Variants in SNX31 observed in about 807,000 individuals in gnomAD.
SNX31 encodes the protein sorting nexin-31.
A neutral mutation model predicts 65.4 loss-of-function variants in SNX31; 58 were observed. That is an observed-to-expected ratio of 0.89 (90% CI 0.72 to 1.10). SNX31 has a LOEUF of 1.10. SNX31 is among the 50% of genes least tolerant of loss of function. The pLI is 0.00. For synonymous variants in SNX31, 181 were observed against 190.1 expected (o/e 0.95, Z 0.39); for missense variants, 523 against 529.7 (o/e 0.99, Z 0.12).
chr8:100,617,337 C>T (rs1371400452), intron 5 of SNX31, among the ~76,000 whole-genome samples: 6 of 152,196 alleles, frequency 3.9e-5, no homozygotes, highest in African/African-American at 1.4e-4. Context: ...TTCCAGGCCA[C>T]ATCCCTGGCT....
At chr8:100,631,098 C>T (rs116433718) in intron 3 of SNX31, among the ~76,000 whole-genome samples, 2,661 of 152,060 alleles carry the variant, frequency 0.017, 78 homozygotes, top group African/African-American at 0.058. Flanking sequence ...GAGAGCACCC[C>T]TTTGAATGAT....
chr8:100,583,859 A>G (rs914712428), intron 12 of SNX31, among the ~76,000 whole-genome samples: 11 of 152,224 alleles, frequency 7.2e-5, no homozygotes, highest in African/African-American at 2.4e-5. Context: ...GTCGAGGGTT[A>G]GAATTCTCAG....
intron 2 of SNX31, 106 bp downstream of exon 2, chr8:100,649,168 T>A (rs186998685): frequency 9.0e-7 from 1 of 1,117,120 alleles, no homozygotes; most frequent in African/African-American, 1.5e-5. Context: ...CCCGAGGCCG[T>A]GAAAGGCCCA....
chr8:100,596,718 C>T lies in SNX31; in HGVS notation c.899G>A (p.Cys300Tyr). 1 of 1,614,134 alleles carries T rather than the reference C, an allele frequency of 6.2e-7. No individual in the cohort carries two copies. The highest frequency in any genetic ancestry group is 8.5e-7 in the Non-Finnish European group (1 of 1,180,034). ...LSVGNNEISC[C>Y]ITLPDSQTQD... is the part of the protein sequence containing the mutation. ...GGTCTGGCTGTCAGGCAGGGTGATG[C>T]AGCAGCTGATCTCATTATTGCCAAC... The change falls in exon 10 of 14, where the codon TGC becomes TAC. Residue 300 changes from cysteine to tyrosine, a missense_variant. Physicochemically the swap from Cys to Tyr is radical, Grantham distance 194 (BLOSUM62 -2). Coordinates refer to ENST00000311812, the MANE Select transcript of SNX31 (RefSeq NM_152628.4).
At chr8:100,615,060 G>C (rs1483658296) in intron 5 of SNX31, among the ~76,000 whole-genome samples, 1 of 152,162 alleles carries the variant, frequency 6.6e-6, no homozygotes, top group Admixed American at 6.5e-5. Context: ...GCTCCTGGAA[G>C]GAAATTCACA....
chr8:100,616,791 GCT>G (rs1380385126), intron 5 of SNX31, among the ~76,000 whole-genome samples: 3 of 152,168 alleles, frequency 2.0e-5, no homozygotes, highest in African/African-American at 7.2e-5. Context: ...AAATGGGAGT[GCT>G]TCCGTTTCTC....
chr8:100,652,664 C>G (rs773138979), upstream of SNX31, among the ~76,000 whole-genome samples: 1 of 152,140 alleles, frequency 6.6e-6, no homozygotes, highest in African/African-American at 2.4e-5. Context: ...ATCTTTTTGG[C>G]TCTTTGATAT....
intron 12 of SNX31, among the ~76,000 whole-genome samples, chr8:100,581,845 G>T (rs1020101318): frequency 1.3e-5 from 2 of 152,066 alleles, no homozygotes; most frequent in African/African-American, 4.8e-5. Flanking sequence ...ACTTGTGAGG[G>T]GGCCCAGCAC....
chr8:100,600,882 A>G (rs1333159047), intron 8 of SNX31, among the ~76,000 whole-genome samples: 1 of 152,176 alleles, frequency 6.6e-6, no homozygotes, highest in Non-Finnish European at 1.5e-5. Context: ...ACAACAACAA[A>G]ACTAAGAATC....
At chr8:100,595,114 A>T (rs1265555615) in intron 10 of SNX31, among the ~76,000 whole-genome samples, 1 of 152,222 alleles carries the variant, frequency 6.6e-6, no homozygotes, top group Non-Finnish European at 1.5e-5. Context: ...ATACATGTGA[A>T]ACATTTACCA....
chr8:100,612,153 T>C lies in SNX31; in HGVS notation c.524-66A>G. ...ACAGACAGCTTATATATAGCAGCTT[T>C]CAAATGAGAAAATAAAACCTTATTA... On this transcript the variant is annotated intron_variant, in intron 6 of 13. Coordinates refer to ENST00000311812, the MANE Select transcript of SNX31 (RefSeq NM_152628.4). The surrounding 1 kb of genome is among the most constrained non-coding windows in gnomAD (Gnocchi z 4.3). 1 of 958,834 alleles carries C rather than the reference T, an allele frequency of 1.0e-6. No homozygotes were observed. Among genetic ancestry groups the C allele is most frequent in the South Asian group, 1.4e-5 (1 of 69,510 alleles). 59.4% of individuals were successfully genotyped at this position (958,834 alleles called of 1,614,324 possible).
At position 100,626,634 on chromosome 8, in the gene SNX31, A is replaced by G. The variant is rs560225509; in HGVS notation, c.321+3693T>C. ...TGTGTCAGCAAACAGCTAGCTCACA[A>G]CAGCAGCCTGTTTCAAAGTTGATTG... is the stretch of plus-strand genomic sequence containing the variant. On this transcript the variant is annotated intron_variant, in intron 4 of 13. Transcript: ENST00000311812. The surrounding 1 kb of genome is among the most constrained non-coding windows in gnomAD (Gnocchi z 4.4). Among the ~76,000 whole-genome samples the G allele has an allele frequency of 7.2e-5, 11 of 152,344 alleles. No individual in the cohort carries two copies. The South Asian group carries it at 2.3e-3, about 32-fold the overall frequency.
chr8:100,655,056 G>C (rs1189940107), intron 1 of SNX31, among the ~76,000 whole-genome samples: 1 of 152,068 alleles, frequency 6.6e-6, no homozygotes, highest in Non-Finnish European at 1.5e-5. Context: ...GGTGGGGCCA[G>C]TTACAACAAC....
At position 100,613,234 on chromosome 8, in the gene SNX31, C is replaced by A. The variant is rs1816870939; in HGVS notation, c.433-149G>T. On this transcript the variant is annotated intron_variant, in intron 5 of 13. Transcript: ENST00000311812. The surrounding 1 kb of genome is among the most constrained non-coding windows in gnomAD (Gnocchi z 5.2). The stretch of plus-strand genomic sequence containing the variant: ...ACACTCAAAGAAAGCTTTTTGGAAT[C>A]AAAAAATGGTATCCATCTTAGAAAA... 1.6e-6 allele frequency: 1 copy of A among 609,332 alleles called. No homozygotes were observed. The highest frequency in any genetic ancestry group is 2.9e-6 in the Non-Finnish European group (1 of 345,400). 37.7% of individuals were successfully genotyped at this position (609,332 alleles called of 1,614,324 possible).
In SNX31 at chr8:100,610,105, G is replaced by T. The variant is rs1816570433; in HGVS notation, c.612-1542C>A. ...CTCCAGAGACCTGATCCTCAGCTCT[G>T]ACAATAGAAGTGGAACCTCCTTTCT... On this transcript the variant is annotated intron_variant, in intron 7 of 13. Coordinates refer to ENST00000311812, the MANE Select transcript of SNX31 (RefSeq NM_152628.4). This position sits in a 1 kb window ranked among gnomAD's most constrained non-coding sequence, Gnocchi z 4.0. Among the ~76,000 whole-genome samples the T allele has an allele frequency of 6.6e-6, 1 of 152,202 alleles. No homozygotes were observed. The highest frequency in any genetic ancestry group is 2.1e-4 in the South Asian group (1 of 4,832).
At chr8:100,624,840 T>C (rs933587425) in intron 4 of SNX31, among the ~76,000 whole-genome samples, 4 of 152,114 alleles carry the variant, frequency 2.6e-5, no homozygotes, top group Admixed American at 6.5e-5. Context: ...CTTGCTCTGT[T>C]TCCCAGGCTG....
rs763523960 is a variant in SNX31, at chr8:100,622,889, A to C, written c.322-5159T>G. On this transcript the variant is annotated intron_variant, in intron 4 of 13. Coordinates refer to ENST00000311812, the MANE Select transcript of SNX31 (RefSeq NM_152628.4). This position sits in a 1 kb window ranked among gnomAD's most constrained non-coding sequence, Gnocchi z 5.0. ...AACCTCCTCTCAGTAAAGAACCTGCACATCAAGGGAGGTAAGAGGTTAAAG... is the reference window on the plus strand; with the variant it reads ...AACCTCCTCTCAGTAAAGAACCTGCCCATCAAGGGAGGTAAGAGGTTAAAG... 2.6e-5 allele frequency among the ~76,000 whole-genome samples: 4 copies of C among 152,122 alleles called. No individual in the cohort carries two copies. The highest frequency in any genetic ancestry group is 5.9e-5 in the Non-Finnish European group (4 of 68,016).
chr8:100,573,515 A>C lies in SNX31; in HGVS notation c.*350T>G, dbSNP rs143275419. On this transcript the variant is annotated 3_prime_UTR_variant, in exon 14 of 14. Transcript: ENST00000311812. Reference sequence around the variant, plus strand: ...AACACATAAAAGACTTCATGAAGCCATATAAAGATCTATTTTAGAGAAAAA... The same window carrying C: ...AACACATAAAAGACTTCATGAAGCCCTATAAAGATCTATTTTAGAGAAAAA... The C allele has an allele frequency of 6.3e-3, 1,033 of 164,876 alleles. 14 individuals are homozygous for C. The highest frequency in any genetic ancestry group is 0.023 in the African/African-American group (986 of 42,108). The allele number at this position is 164,876 out of a possible 1,614,324, so 10.2% of individuals were successfully genotyped here. A position where few individuals can be genotyped will look rare whatever the true frequency, so the allele number is the denominator to read the frequency against.
intron 1 of SNX31, among the ~76,000 whole-genome samples, chr8:100,659,006 C>T (rs1454518760): frequency 1.3e-5 from 2 of 152,210 alleles, no homozygotes; most frequent in South Asian, 2.1e-4. Context: ...GGGATTCACA[C>T]ATGGATTACA....
Sources: gnomAD v4.1 joint callset for allele counts (sites outside exome capture counted in the v4.1 genomes callset) on GRCh38, gnomAD v4.1.1 for gene constraint, Gnocchi (gnomAD v3.1) non-coding constraint, MANE v1.5 for transcripts, NCBI Gene and HGNC (gene_info 2026-07-23, HGNC 2026-07-21) for gene names.